The following GNAI2 variants were observed in gnomAD, a reference collection of about 807,000 sequenced individuals.
GNAI2 encodes the protein guanine nucleotide-binding protein G(i) subunit alpha-2.
A neutral mutation model predicts 36.8 loss-of-function variants in GNAI2; 4 were observed. That is an observed-to-expected ratio of 0.11 (90% CI 0.05 to 0.25). The LOEUF (loss-of-function observed/expected upper bound fraction) is 0.25, where lower values mean the gene tolerates loss of function less well. GNAI2 is among the 10% of genes least tolerant of loss of function. The pLI is 1.00. For missense variants in GNAI2, 230 were observed against 481.3 expected (o/e 0.48, Z 4.89); for synonymous variants, 194 against 194.1 (o/e 1.00, Z 0.01).
At chr3:50,247,186 C>T (rs1700445923) in intron 1 of GNAI2, 6 of 667,766 alleles carry the variant, frequency 9.0e-6, no homozygotes, top group South Asian at 6.5e-5. Flanking sequence ...AATCCTTACC[C>T]ATCTCTCAGA....
rs782202930 is a variant in GNAI2 at position 50,258,973 on chromosome 3, G to GC, written c.*639dup. 2.6e-3 allele frequency: 1,076 copies of GC among 416,954 alleles called. No individual in the cohort carries two copies. Among genetic ancestry groups the GC allele is most frequent in the Middle Eastern group, 6.2e-3 (18 of 2,892 alleles). The allele number at this position is 416,954 out of a possible 1,614,324, so 25.8% of individuals were successfully genotyped here. A position where few individuals can be genotyped will look rare whatever the true frequency, so the allele number is the denominator to read the frequency against. On this transcript the variant is annotated 3_prime_UTR_variant, in exon 9 of 9. Transcript: ENST00000313601. ...AAAACTGTCAGATCCTGACCAGCAAGCCCCCCCCCAGCCCCCCTTCCAAGT... is the reference window on the plus strand; with the variant it reads ...AAAACTGTCAGATCCTGACCAGCAAGCCCCCCCCCCAGCCCCCCTTCCAAGT...
Position 50,252,162 on chromosome 3 carries a change from G to A in GNAI2, c.161+20G>A, listed in dbSNP as rs193009194. The A allele has an allele frequency of 6.2e-7, 1 of 1,611,658 alleles. No individual in the cohort carries two copies. Among genetic ancestry groups the A allele is most frequent in the Non-Finnish European group, 8.5e-7 (1 of 1,178,024 alleles). ...GATGAAGTAAGTGCTGTATTCCAGA[G>A]GCAGTGCTCAAACTCCAGCTTCCCC... On this transcript the variant is annotated intron_variant, in intron 2 of 8. Transcript: ENST00000313601. This position sits in a 1 kb window ranked among gnomAD's most constrained non-coding sequence, Gnocchi z 4.1.
intron 1 of GNAI2, among the ~76,000 whole-genome samples, chr3:50,246,225 T>G (rs1323931037): frequency 6.6e-6 from 1 of 152,206 alleles, no homozygotes; most frequent in African/African-American, 2.4e-5. Flanking sequence ...CTCTGCAGGC[T>G]GGGGGCTTCC....
chr3:50,256,843 C>T lies in GNAI2; in HGVS notation c.714C>T (p.Asp238=), dbSNP rs138946270. 1.6e-4 allele frequency: 258 copies of T among 1,614,114 alleles called. No individual in the cohort carries two copies. The East Asian group carries it at 1.7e-3, about 11-fold the overall frequency. The change falls in exon 6 of 9, where the codon GAC becomes GAT. Residue 238 remains aspartate (D), a synonymous_variant. Transcript: ENST00000313601. ...CCTATGACTTGGTGCTAGCTGAGGA[C>T]GAGGAGATGGTGAGAGGATGAGAGA... The part of the protein sequence containing the change: ...LSAYDLVLAE[D]EEMNRMHESM...
Position 50,253,299 on chromosome 3 carries a change from C to T in GNAI2, c.464+115C>T, listed in dbSNP as rs587593979. Reference sequence around the variant, plus strand: ...CACTGCTGGTCTTTGCTTATGAAACCGATGACTGTTAACCAAGGCCTTCCT... The same window carrying T: ...CACTGCTGGTCTTTGCTTATGAAACTGATGACTGTTAACCAAGGCCTTCCT... On this transcript the variant is annotated intron_variant, in intron 4 of 8. Coordinates refer to ENST00000313601, the MANE Select transcript of GNAI2 (RefSeq NM_002070.4). This position sits in a 1 kb window ranked among gnomAD's most constrained non-coding sequence, Gnocchi z 4.2. 19 of 736,872 alleles carry T rather than the reference C, an allele frequency of 2.6e-5. No individual in the cohort carries two copies. The highest frequency in any genetic ancestry group is 2.5e-4 in the South Asian group (10 of 39,434). 45.6% of individuals were successfully genotyped at this position (736,872 alleles called of 1,614,324 possible).
chr3:50,235,628 T>C (rs1348588087), upstream of GNAI2, among the ~76,000 whole-genome samples: 1 of 152,152 alleles, frequency 6.6e-6, no homozygotes, highest in Non-Finnish European at 1.5e-5. Flanking sequence ...CCTTTTTTTT[T>C]CCTTTTTCGA....
At chr3:50,232,527 C>T (rs951165156), upstream of GNAI2, among the ~76,000 whole-genome samples, 4 of 152,164 alleles carry the variant, frequency 2.6e-5, no homozygotes, top group Non-Finnish European at 5.9e-5. Flanking sequence ...TCCAAAGTAA[C>T]AAGTAGCTGG....
At position 50,252,189 on chromosome 3, in the gene GNAI2, C is replaced by T. The variant is rs782035246; in HGVS notation, c.161+47C>T. 15 of 1,573,736 alleles carry T rather than the reference C, an allele frequency of 9.5e-6. No individual in the cohort carries two copies. The highest frequency in any genetic ancestry group is 2.7e-5 in the African/African-American group (2 of 74,142). ...CAGTGCTCAAACTCCAGCTTCCCCTCTTCACCCTCTGGGCCTGCACTGCCC... is the reference window on the plus strand; with the variant it reads ...CAGTGCTCAAACTCCAGCTTCCCCTTTTCACCCTCTGGGCCTGCACTGCCC... On this transcript the variant is annotated intron_variant, in intron 2 of 8. Coordinates refer to ENST00000313601, the MANE Select transcript of GNAI2 (RefSeq NM_002070.4). This position sits in a 1 kb window ranked among gnomAD's most constrained non-coding sequence, Gnocchi z 4.1.
At chr3:50,246,023 G>T (rs1260578473) in intron 1 of GNAI2, among the ~76,000 whole-genome samples, 3 of 152,166 alleles carry the variant, frequency 2.0e-5, no homozygotes, top group Non-Finnish European at 4.4e-5. Context: ...AGTGTTGCCG[G>T]TCCCTTTCAA....
Position 50,236,969 on chromosome 3 carries a change from T to C in GNAI2, c.118+516T>C, listed in dbSNP as rs1700187716. On this transcript the variant is annotated intron_variant, in intron 1 of 8. Coordinates refer to ENST00000313601, the MANE Select transcript of GNAI2 (RefSeq NM_002070.4). The surrounding 1 kb of genome is among the most constrained non-coding windows in gnomAD (Gnocchi z 4.0). ...GTCTGGAATCTGTATCCTCCACCTG[T>C]GCACTCTGACCCAAGGAACCTCTCG... 6.6e-6 allele frequency among the ~76,000 whole-genome samples: 1 copy of C among 152,154 alleles called. No homozygotes were observed. Among genetic ancestry groups the C allele is most frequent in the Non-Finnish European group, 1.5e-5 (1 of 68,030 alleles).
chr3:50,244,531 G>T (rs1216463194), intron 1 of GNAI2, among the ~76,000 whole-genome samples: 1 of 152,220 alleles, frequency 6.6e-6, no homozygotes, highest in East Asian at 1.9e-4. Context: ...TCTGAGACTG[G>T]GAATTGTCCA....
chr3:50,236,424 C>A lies in GNAI2; in HGVS notation c.89C>A (p.Ala30Glu). 6.3e-7 allele frequency: 1 copy of A among 1,578,938 alleles called. No homozygotes were observed. Among genetic ancestry groups the A allele is most frequent in the Non-Finnish European group, 8.6e-7 (1 of 1,165,694 alleles). Residue 30 changes from alanine (A) to glutamate (E), a missense_variant, in exon 1 of 9, where the codon GCG (alanine) becomes GAG (glutamate). Ala to Glu is a moderately radical substitution (Grantham distance 107, BLOSUM62 -1). Transcript: ENST00000313601. This position sits in a 1 kb window ranked among gnomAD's most constrained non-coding sequence, Gnocchi z 4.0. The part of the protein sequence containing the change: ...DKNLREDGEK[A>E]AREVKLLLLG... ...AACCTGCGGGAGGACGGAGAGAAGG[C>A]GGCGCGGGAGGTGAAGTTGCTGCTG... is the stretch of plus-strand genomic sequence containing the variant.
chr3:50,251,809 AC>A, intron 1 of GNAI2: 1 of 1,295,578 alleles, frequency 7.7e-7, no homozygotes, highest in Non-Finnish European at 1.0e-6. Flanking sequence ...TCCAGCCAAG[AC>A]CCCCCAGGAC....
At chr3:50,247,635 A>G (rs1575447632) in intron 1 of GNAI2, among the ~76,000 whole-genome samples, 1 of 152,060 alleles carries the variant, frequency 6.6e-6, no homozygotes, top group Non-Finnish European at 1.5e-5. Flanking sequence ...GGGGCTCAGC[A>G]CTCCCAAAGT....
chr3:50,253,057 A>G lies in GNAI2; in HGVS notation c.337A>G (p.Thr113Ala), dbSNP rs1356516303. 1 of 1,611,340 alleles carries G rather than the reference A, an allele frequency of 6.2e-7. No homozygotes were observed. The highest frequency in any genetic ancestry group is 8.5e-7 in the Non-Finnish European group (1 of 1,178,236). Reference protein sequence around the residue: ...DARQLFALSCTAEEQGVLPDD... With the variant: ...DARQLFALSCAAEEQGVLPDD... ...CAGGCAGCTATTTGCACTGTCCTGC[A>G]CCGCCGAGGAGCAAGGCGTGCTCCC... The change falls in exon 4 of 9, where the codon ACC becomes GCC. Residue 113 changes from threonine (T) to alanine (A), a missense_variant. Thr to Ala is a moderately conservative substitution (Grantham distance 58, BLOSUM62 0). This residue lies in a region of GNAI2 where 132 missense variants were observed against 247.4 expected (regional missense o/e 0.53). Coordinates refer to ENST00000313601, the MANE Select transcript of GNAI2 (RefSeq NM_002070.4). This position sits in a 1 kb window ranked among gnomAD's most constrained non-coding sequence, Gnocchi z 4.2.
chr3:50,228,738 C>G (rs1700019889), upstream of GNAI2, among the ~76,000 whole-genome samples: 1 of 152,152 alleles, frequency 6.6e-6, no homozygotes, highest in African/African-American at 2.4e-5. Flanking sequence ...CCATGCTGGC[C>G]CTCACATTAG....
At chr3:50,234,932 T>A (rs1424390636), upstream of GNAI2, among the ~76,000 whole-genome samples, 5 of 152,164 alleles carry the variant, frequency 3.3e-5, no homozygotes, top group African/African-American at 1.2e-4. Flanking sequence ...TGCCTGGCCA[T>A]AGGGTTGCAG....
rs1553700444 is a variant in GNAI2, at chr3:50,236,725, T to TC, written c.118+278dup. On this transcript the variant is annotated intron_variant, in intron 1 of 8. Transcript: ENST00000313601. This position sits in a 1 kb window ranked among gnomAD's most constrained non-coding sequence, Gnocchi z 4.0. ...CGCGGTCCAGTGCCCTGCTTGGCCA[T>TC]CCCCCCTTGCTAACTAGCTTCACAG... Among the ~76,000 whole-genome samples, 3 of 151,748 alleles carry TC rather than the reference T, an allele frequency of 2.0e-5. No homozygotes were observed. The highest frequency in any genetic ancestry group is 4.4e-5 in the Non-Finnish European group (3 of 67,944).
At chr3:50,233,666 A>C (rs1553699999), upstream of GNAI2, among the ~76,000 whole-genome samples, 1 of 152,136 alleles carries the variant, frequency 6.6e-6, no homozygotes, top group African/African-American at 2.4e-5. Context: ...TGTCCTCAAC[A>C]TGTTGCATGC....
Sources: allele counts gnomAD v4.1 joint callset (sites outside exome capture counted in the v4.1 genomes callset), GRCh38; gene constraint gnomAD v4.1.1; regional missense constraint gnomAD v4.1.1; non-coding constraint Gnocchi (gnomAD v3.1); transcripts MANE v1.5; gene names NCBI Gene and HGNC (gene_info 2026-07-23, HGNC 2026-07-21).